SCAI: variants seen among roughly 807,000 people sequenced by gnomAD.
SCAI encodes suppressor of cancer cell invasion.
A neutral mutation model predicts 92.2 loss-of-function variants in SCAI; 24 were observed. The ratio of observed to expected loss-of-function variants is 0.26; its 90% confidence interval spans 0.19 to 0.37. SCAI has a LOEUF of 0.37. SCAI is among the 10% of genes least tolerant of loss of function. The pLI, the probability that SCAI is intolerant of heterozygous loss-of-function variation, is 1.00. For synonymous variants in SCAI, 261 were observed against 258.6 expected (o/e 1.01, Z -0.09); for missense variants, 450 against 736.2 (o/e 0.61, Z 4.50).
At chr9:125,136,547 G>A (rs1835535776) in intron 2 of SCAI, among the ~76,000 whole-genome samples, 1 of 134,600 alleles carries the variant, frequency 7.4e-6, no homozygotes, top group Non-Finnish European at 1.5e-5. Context: ...TGCAACCTCT[G>A]CCTCCCAGGT....
intron 3 of SCAI, among the ~76,000 whole-genome samples, chr9:125,053,567 T>G (rs1833605900): frequency 6.6e-6 from 1 of 152,158 alleles, no homozygotes; most frequent in Admixed American, 6.6e-5. Flanking sequence ...AGACCACATA[T>G]TGTATGATTC....
At position 124,944,175 on chromosome 9, in the gene SCAI, A is replaced by G. The variant is rs1831102928; in HGVS notation, c.*8632T>C. 6.6e-6 allele frequency: 1 copy of G among 152,248 alleles called. No individual in the cohort carries two copies. Among genetic ancestry groups the G allele is most frequent in the African/African-American group, 2.4e-5 (1 of 41,480 alleles). 9.4% of individuals were successfully genotyped at this position (152,248 alleles called of 1,614,324 possible). On this transcript the variant is annotated 3_prime_UTR_variant, in exon 18 of 18. Coordinates refer to ENST00000336505, the MANE Select transcript of SCAI (RefSeq NM_001144877.3). ...TCTATGTGGCAAAAGGAATGCATTC[A>G]GATAACTATAAAAAGCCACATAAAT...
At chr9:124,983,944 C>A (rs968373297) in intron 14 of SCAI, among the ~76,000 whole-genome samples, 1 of 152,112 alleles carries the variant, frequency 6.6e-6, no homozygotes, top group Non-Finnish European at 1.5e-5. Flanking sequence ...AGGAATTAAA[C>A]GTATACACAT....
At chr9:124,997,415 C>G (rs917025654) in intron 13 of SCAI, among the ~76,000 whole-genome samples, 6 of 152,182 alleles carry the variant, frequency 3.9e-5, no homozygotes, top group African/African-American at 1.2e-4. Flanking sequence ...ATCCAAAACC[C>G]GAAACACTTT....
intron 7 of SCAI, among the ~76,000 whole-genome samples, chr9:125,020,238 ACT>A (rs954575094): frequency 9.2e-5 from 14 of 152,194 alleles, no homozygotes; most frequent in African/African-American, 3.4e-4. Flanking sequence ...AAGACAGTTA[ACT>A]CTTAATCACC....
intron 14 of SCAI, among the ~76,000 whole-genome samples, chr9:124,977,100 C>G (rs977294277): frequency 1.3e-5 from 2 of 152,126 alleles, no homozygotes; most frequent in African/African-American, 4.8e-5. Context: ...AATTCATGAG[C>G]TCAAGCGATC....
intron 2 of SCAI, among the ~76,000 whole-genome samples, chr9:125,063,148 G>A (rs757172352): frequency 1.7e-4 from 25 of 148,854 alleles, no homozygotes; most frequent in East Asian, 4.0e-4. Flanking sequence ...AGTAGCTCAC[G>A]CCTGTAATCC....
At chr9:125,100,884 A>C (rs558988516) in intron 2 of SCAI, among the ~76,000 whole-genome samples, 2 of 152,212 alleles carry the variant, frequency 1.3e-5, no homozygotes, top group South Asian at 4.1e-4. Flanking sequence ...ACAGGCCCCG[A>C]GTTAGCTTGC....
At position 124,994,954 on chromosome 9, in the gene SCAI, A is replaced by T; in HGVS notation, c.1306T>A (p.Ser436Thr). The change falls in exon 14 of 18, where the codon TCT (serine) becomes ACT (threonine). Residue 436 changes from serine to threonine, a missense_variant. This residue lies in a region of SCAI where 360 missense variants were observed against 601.8 expected (regional missense o/e 0.60). Coordinates refer to ENST00000336505, the MANE Select transcript of SCAI (RefSeq NM_001144877.3). Reference protein sequence around the residue: ...RKPLFIIVDSSNSVAYKNFTN... With the variant: ...RKPLFIIVDSTNSVAYKNFTN... ...CTCACCTTATACGCAACACTATTAG[A>T]CGAATCCACAATGATGAACAGTGGC... 2.5e-6 allele frequency: 4 copies of T among 1,612,804 alleles called. No individual in the cohort carries two copies. The East Asian group carries it at 8.9e-5, about 36-fold the overall frequency.
chr9:124,972,583 T>C (rs1304895785), intron 15 of SCAI, among the ~76,000 whole-genome samples: 2 of 152,358 alleles, frequency 1.3e-5, no homozygotes, highest in East Asian at 3.9e-4. Flanking sequence ...ACACTCTTAC[T>C]TCTTTTAAGT....
chr9:124,954,087 G>A (rs1490822497), intron 17 of SCAI, among the ~76,000 whole-genome samples: 1 of 151,504 alleles, frequency 6.6e-6, no homozygotes, highest in Non-Finnish European at 1.5e-5. Context: ...CAATCTACAC[G>A]CCTCGGGCCT....
intron 9 of SCAI, among the ~76,000 whole-genome samples, chr9:125,014,517 C>T (rs1312982053): frequency 6.6e-6 from 1 of 152,038 alleles, no homozygotes; most frequent in Non-Finnish European, 1.5e-5. Flanking sequence ...AACCACTGCT[C>T]AATGAAATAA....
chr9:125,099,961 G>A (rs553932421), intron 2 of SCAI, among the ~76,000 whole-genome samples: 14 of 152,318 alleles, frequency 9.2e-5, no homozygotes, highest in Non-Finnish European at 1.8e-4. Context: ...CGGGTTGTGT[G>A]CACCTTTTGG....
intron 17 of SCAI, among the ~76,000 whole-genome samples, chr9:124,970,900 C>T (rs866264247): frequency 3.3e-5 from 5 of 151,818 alleles, no homozygotes; most frequent in African/African-American, 4.8e-5. Flanking sequence ...CCACAACCTC[C>T]GCCTCCTGGG....
intron 2 of SCAI, among the ~76,000 whole-genome samples, chr9:125,109,237 C>A (rs1187592793): frequency 6.6e-6 from 1 of 152,116 alleles, no homozygotes; most frequent in East Asian, 1.9e-4. Context: ...CCGCAGGGTC[C>A]TCTGCCTAGG....
chr9:124,987,044 T>C lies in SCAI; in HGVS notation c.1326+7890A>G, dbSNP rs538747053. On this transcript the variant is annotated intron_variant, in intron 14 of 17. Transcript: ENST00000336505. ...TATTGCCCAAAATGACTGAGGGCCT[T>C]TTTTTTGAGATGGAGTCTCGCTCTG... Among the ~76,000 whole-genome samples the C allele has an allele frequency of 2.0e-5, 3 of 152,258 alleles. No homozygotes were observed. In the South Asian group the frequency reaches 6.2e-4, roughly 32 times the overall value.
At chr9:124,966,782 G>GA (rs1554775182) in intron 17 of SCAI, among the ~76,000 whole-genome samples, 1 of 147,788 alleles carries the variant, frequency 6.8e-6, no homozygotes, top group African/African-American at 2.5e-5. Flanking sequence ...ATTATTAAGA[G>GA]TTTTTTTTTT....
intron 4 of SCAI, 134 bp downstream of exon 4, chr9:125,029,510 C>T: frequency 2.0e-6 from 1 of 494,658 alleles, no homozygotes; most frequent in East Asian, 3.2e-5. Context: ...TTAAAAGCAC[C>T]AAGATTTACC....
intron 3 of SCAI, among the ~76,000 whole-genome samples, chr9:125,044,545 G>A (rs1322785745): frequency 1.3e-5 from 2 of 152,120 alleles, no homozygotes; most frequent in Non-Finnish European, 2.9e-5. Context: ...TCTCCTGAGA[G>A]CTCTTCTGTC....
Sources: allele counts gnomAD v4.1 joint callset (sites outside exome capture counted in the v4.1 genomes callset), GRCh38; gene constraint gnomAD v4.1.1; regional missense constraint gnomAD v4.1.1; transcripts MANE v1.5; gene names NCBI Gene and HGNC (gene_info 2026-07-23, HGNC 2026-07-21).